Variants in PARVG observed in about 807,000 individuals in gnomAD.
PARVG encodes gamma-parvin.
A neutral mutation model predicts 44.4 loss-of-function variants in PARVG; 36 were observed. That is an observed-to-expected ratio of 0.81 (90% confidence interval 0.62 to 1.07). The LOEUF is 1.07. Among genes scored for constraint, PARVG ranks in the 50% least tolerant of loss-of-function variants. The pLI is 0.00. For synonymous variants in PARVG, 170 were observed against 174.1 expected (o/e 0.98, Z 0.19); for missense variants, 407 against 407.4 (o/e 1.00, Z 0.01).
intron 1 of PARVG, among the ~76,000 whole-genome samples, chr22:44,174,101 G>T (rs1482686153): frequency 6.6e-6 from 1 of 152,214 alleles, no homozygotes; most frequent in East Asian, 1.9e-4. Context: ...GTTTACCAAG[G>T]GTCTGGTTTG....
rs112075276 is a variant in PARVG at position 44,196,508 on chromosome 22, G to C, written c.711+93G>C. 5.6e-4 allele frequency: 825 copies of C among 1,470,820 alleles called. 5 individuals are homozygous for C. The African/African-American group carries it at 0.01, about 18-fold the overall frequency. The allele number at this position is 1,470,820 out of a possible 1,614,324, so 91.1% of individuals were successfully genotyped here. A position where few individuals can be genotyped will look rare whatever the true frequency, so the allele number is the denominator to read the frequency against. ...TGCAGGCCCTGGGAACCTGCTGTGT[G>C]GTGGGGGTTGCATCACCTCTTGGAG... On this transcript the variant is annotated intron_variant, in intron 11 of 13. Transcript: ENST00000444313.
intron 12 of PARVG, 62 bp from the exon 13 acceptor site, chr22:44,205,695 A>G: frequency 6.3e-7 from 1 of 1,588,280 alleles, no homozygotes. Context: ...GGCACTTGGG[A>G]CCCAAGGCCT....
At chr22:44,195,735 C>T (rs979207918) in intron 9 of PARVG, among the ~76,000 whole-genome samples, 2 of 152,192 alleles carry the variant, frequency 1.3e-5, no homozygotes, top group Admixed American at 6.5e-5. Context: ...TGGCAGCTCC[C>T]GTGGCCCTGG....
chr22:44,173,211 C>G, intron 1 of PARVG: 1 of 1,228,950 alleles, frequency 8.1e-7, no homozygotes, highest in Non-Finnish European at 1.0e-6. Flanking sequence ...AAAGGCTCAT[C>G]TGCCCCTCTG....
At chr22:44,180,815 T>TCC (rs2147215337), upstream of PARVG, 1 of 516,812 alleles carries the variant, frequency 1.9e-6, no homozygotes, top group South Asian at 8.3e-5. Context: ...TACACCTGCA[T>TCC]CCCACCTGAT....
At chr22:44,186,773 A>T (rs2054477732) in intron 4 of PARVG, 3 of 416,824 alleles carry the variant, frequency 7.2e-6, no homozygotes, top group South Asian at 3.5e-5. Context: ...ACACATGGTT[A>T]GTGATGGAGC....
intron 11 of PARVG, 63 bp from the exon 12 acceptor site, chr22:44,198,556 TAA>T (rs1228770106): frequency 7.9e-7 from 1 of 1,269,068 alleles, no homozygotes. Flanking sequence ...ACACAGCCTG[TAA>T]AAGACAGAGT....
intron 9 of PARVG, 68 bp downstream of exon 9, chr22:44,193,891 T>G: frequency 6.3e-7 from 1 of 1,575,602 alleles, no homozygotes; most frequent in Non-Finnish European, 8.7e-7. Flanking sequence ...CAAGTCTTAA[T>G]GCAGGGTTAA....
At chr22:44,175,913 T>TTAG (rs2054314849) in intron 1 of PARVG, among the ~76,000 whole-genome samples, 1 of 152,182 alleles carries the variant, frequency 6.6e-6, no homozygotes, top group Admixed American at 6.5e-5. Context: ...TAGGTGGCCA[T>TTAG]GTGGCTGGTC....
rs184610931 is a variant in PARVG, at chr22:44,182,728, G to A, written c.-12-590G>A. 1.4e-3 allele frequency among the ~76,000 whole-genome samples: 220 copies of A among 152,358 alleles called. No homozygotes were observed. The highest frequency in any genetic ancestry group is 5.0e-3 in the African/African-American group (210 of 41,592). On this transcript the variant is annotated intron_variant, in intron 2 of 13. Coordinates refer to ENST00000444313, the MANE Select transcript of PARVG (RefSeq NM_022141.7). This position sits in a 1 kb window ranked among gnomAD's most constrained non-coding sequence, Gnocchi z 4.6. ...GTGGGCCAGGGGAACAGGAAGGAGG[G>A]CTGGGCTGGCCTCTGGGTCTGCCCC...
intron 12 of PARVG, among the ~76,000 whole-genome samples, chr22:44,201,366 C>T (rs1023185271): frequency 2.6e-5 from 4 of 152,200 alleles, no homozygotes; most frequent in Non-Finnish European, 5.9e-5. Flanking sequence ...TTACCCAGTA[C>T]CACCCAGCTG....
At chr22:44,203,447 C>G (rs897758998) in intron 12 of PARVG, among the ~76,000 whole-genome samples, 2 of 152,098 alleles carry the variant, frequency 1.3e-5, no homozygotes, top group Non-Finnish European at 2.9e-5. Context: ...TTTATTTAAT[C>G]CAACAATTTC....
chr22:44,189,898 C>G (rs1056280278), intron 6 of PARVG, among the ~76,000 whole-genome samples: 1 of 152,150 alleles, frequency 6.6e-6, no homozygotes, highest in South Asian at 2.1e-4. Flanking sequence ...GTCTGGGCTA[C>G]AAGAGTGAGA....
At chr22:44,173,053 C>A in exon 1 of PARVG, 2 of 1,289,818 alleles carry the variant, frequency 1.6e-6, no homozygotes, top group Non-Finnish European at 2.0e-6. Flanking sequence ...CCACCCAGCG[C>A]TGCTTCCCGG....
At chr22:44,183,279 T>C (rs541694445) in intron 2 of PARVG, 39 bp from the exon 3 acceptor site, 2 of 1,557,300 alleles carry the variant, frequency 1.3e-6, no homozygotes, top group Admixed American at 4.1e-5. Context: ...GTTTGGGGCT[T>C]CTCAGACCGT....
rs183471125 is a variant in PARVG at position 44,181,761 on chromosome 22, G to C, written c.-169G>C. ...CCGCAGAGAGGAGGAAGCTCCTGCC[G>C]GCTGAGCGGGCCTGGAGGAAGTGAG... On this transcript the variant is annotated 5_prime_UTR_variant, in exon 2 of 14. Coordinates refer to ENST00000444313, the MANE Select transcript of PARVG (RefSeq NM_022141.7). The C allele has an allele frequency of 1.0e-6, 1 of 985,300 alleles. No individual in the cohort carries two copies. The highest frequency in any genetic ancestry group is 4.7e-5 in the South Asian group (1 of 21,298). 61.0% of individuals were successfully genotyped at this position (985,300 alleles called of 1,614,324 possible).
In PARVG at chr22:44,183,393, G is replaced by T; in HGVS notation, c.64G>T (p.Glu22Ter). ...CAAGGGGGTGGAGCCCCCAGCGGAG[G>T]AGGAGCTCTCAAAAGGTGTGTGCCC... ...LPKGVEPPAE[E>*]ELSKGGKKKY... The change falls in exon 3 of 14, where the codon GAG (glutamate) becomes TAG (stop). Residue 22 changes from glutamate to a stop codon, truncating the protein, a stop_gained. Coordinates refer to ENST00000444313, the MANE Select transcript of PARVG (RefSeq NM_022141.7). LOFTEE classifies it high-confidence loss of function. 1 of 1,605,698 alleles carries T rather than the reference G, an allele frequency of 6.2e-7. No homozygotes were observed. The highest frequency in any genetic ancestry group is 1.3e-5 in the African/African-American group (1 of 74,812).
chr22:44,200,999 C>CCAGCCA (rs991524547), intron 12 of PARVG, among the ~76,000 whole-genome samples: 11 of 152,126 alleles, frequency 7.2e-5, no homozygotes, highest in South Asian at 2.1e-4. Context: ...CTGCCGACTC[C>CCAGCCA]CAGCCACAGC....
In PARVG at chr22:44,205,837, C is replaced by T. The variant is rs766491660; in HGVS notation, c.886+8C>T. On this transcript the variant is annotated splice_region_variant and intron_variant, in intron 13 of 13. Coordinates refer to ENST00000444313, the MANE Select transcript of PARVG (RefSeq NM_022141.7). Reference sequence around the variant, plus strand: ...GCCCTGTCAGCCCTGAAGGTGAGTGCAAGGCAGATGCCCACACGGTGGCCA... The same window carrying T: ...GCCCTGTCAGCCCTGAAGGTGAGTGTAAGGCAGATGCCCACACGGTGGCCA... The T allele has an allele frequency of 3.1e-6, 5 of 1,612,346 alleles. No individual in the cohort carries two copies. In the East Asian group the frequency reaches 8.9e-5, roughly 29 times the overall value.
Sources: allele counts gnomAD v4.1 joint callset (sites outside exome capture counted in the v4.1 genomes callset), GRCh38; gene constraint gnomAD v4.1.1; non-coding constraint Gnocchi (gnomAD v3.1); transcripts MANE v1.5; gene names NCBI Gene and HGNC (gene_info 2026-07-23, HGNC 2026-07-21).